Variants in SLK observed in about 807,000 individuals in gnomAD.
SLK encodes STE20-like serine/threonine-protein kinase.
Under a neutral mutation model 147.7 loss-of-function variants are expected in SLK, and 67 were observed. The observed-to-expected ratio is 0.45, with a 90% CI of 0.37 to 0.56. SLK has a LOEUF of 0.56. Among genes scored for constraint, SLK ranks in the 20% least tolerant of loss-of-function variants. The pLI is 0.00. For synonymous variants in SLK, 441 were observed against 475.0 expected (o/e 0.93, Z 0.93); for missense variants, 1,136 against 1,438.8 (o/e 0.79, Z 3.41).
At chr10:104,017,508 C>T (rs1844478838) in intron 13 of SLK, among the ~76,000 whole-genome samples, 1 of 152,078 alleles carries the variant, frequency 6.6e-6, no homozygotes, top group African/African-American at 2.4e-5. Context: ...GAGATGGAGT[C>T]TCACTCTGTC....
chr10:103,993,925 T>C (rs963829683), intron 4 of SLK, among the ~76,000 whole-genome samples: 5 of 152,150 alleles, frequency 3.3e-5, no homozygotes, highest in East Asian at 1.9e-4. Context: ...AACGGAGTCT[T>C]GCTCTGTTGC....
At chr10:104,020,765 A>G in intron 17 of SLK, 152 bp downstream of exon 17, 1 of 732,474 alleles carries the variant, frequency 1.4e-6, no homozygotes, top group Non-Finnish European at 2.2e-6. Context: ...CCAAATGAAG[A>G]TCAGTTTGGT....
intron 4 of SLK, among the ~76,000 whole-genome samples, chr10:103,996,481 C>T (rs1844175807): frequency 6.7e-6 from 1 of 150,162 alleles, no homozygotes; most frequent in East Asian, 2.0e-4. Flanking sequence ...TCACTGCAAG[C>T]TCTGCCTCCC....
At chr10:103,995,059 A>G (rs1844149136) in intron 4 of SLK, among the ~76,000 whole-genome samples, 1 of 152,192 alleles carries the variant, frequency 6.6e-6, no homozygotes, top group Non-Finnish European at 1.5e-5. Context: ...TATTTTCGAT[A>G]ATGATTTTGA....
intron 1 of SLK, among the ~76,000 whole-genome samples, chr10:103,974,978 GC>G (rs1188234278): frequency 6.6e-6 from 1 of 150,794 alleles, no homozygotes; most frequent in South Asian, 2.1e-4. Flanking sequence ...CCGTCTTTTG[GC>G]TTTTAAGTCA....
chr10:104,002,780 C>T lies in SLK; in HGVS notation c.1602C>T (p.Asp534=), dbSNP rs185852639. 311 of 1,613,832 alleles carry T rather than the reference C, an allele frequency of 1.9e-4. 1 individual carries two copies. In the East Asian group the frequency reaches 3.6e-3, roughly 18 times the overall value. The change falls in exon 9 of 19, where the codon GAC becomes GAT. Residue 534 remains aspartate (D), a synonymous_variant. Transcript: ENST00000369755. ...KEDTQEKLGE[D]DKTQKDVISN... ...ACACCCAAGAGAAATTGGGGGAAGA[C>T]GACAAAACTCAAAAAGATGTGATCA...
chr10:104,022,058 G>A lies in SLK; in HGVS notation c.3561+325G>A, dbSNP rs1307193911. ...CCTTGCAAGCCAAGTGAGTCTTGAA[G>A]GGTGAGTAAGAACTTGCTAAGCGGA... is the stretch of plus-strand genomic sequence containing the variant. On this transcript the variant is annotated intron_variant, in intron 18 of 18. Coordinates refer to ENST00000369755, the MANE Select transcript of SLK (RefSeq NM_014720.4). Among the ~76,000 whole-genome samples, 4 of 152,194 alleles carry A rather than the reference G, an allele frequency of 2.6e-5. No individual in the cohort carries two copies. In the East Asian group the frequency reaches 7.7e-4, roughly 29 times the overall value.
At chr10:104,019,508 G>A (rs1186688081) in intron 15 of SLK, among the ~76,000 whole-genome samples, 3 of 152,168 alleles carry the variant, frequency 2.0e-5, no homozygotes, top group African/African-American at 7.2e-5. Context: ...CTAGGCTCAA[G>A]TGATCCTCCT....
chr10:104,003,043 A>G lies in SLK; in HGVS notation c.1865A>G (p.Asn622Ser). 6.2e-7 allele frequency: 1 copy of G among 1,613,960 alleles called. No individual in the cohort carries two copies. The highest frequency in any genetic ancestry group is 8.5e-7 in the Non-Finnish European group (1 of 1,179,902). The change falls in exon 9 of 19, where the codon AAC (asparagine) becomes AGC (serine). Residue 622 changes from asparagine to serine, a missense_variant. Physicochemically the swap from Asn to Ser is conservative, Grantham distance 46. Coordinates refer to ENST00000369755, the MANE Select transcript of SLK (RefSeq NM_014720.4). ...EEGKNKEQAI[N>S]SSENIMDINE... Reference sequence around the variant, plus strand: ...GGTAAAAATAAGGAACAAGCAATAAACAGTTCAGAGAACATAATGGACATC... The same window carrying G: ...GGTAAAAATAAGGAACAAGCAATAAGCAGTTCAGAGAACATAATGGACATC...
rs1400722384 is a variant in SLK, at chr10:104,003,390, C to T, written c.2212C>T (p.Pro738Ser). 1.9e-6 allele frequency: 3 copies of T among 1,613,958 alleles called. No homozygotes were observed. In the South Asian group the frequency reaches 3.3e-5, roughly 18 times the overall value. The change falls in exon 9 of 19, where the codon CCA (proline) becomes TCA (serine). Residue 738 changes from proline (P) to serine (S), a missense_variant. Pro to Ser is a moderately conservative substitution (Grantham distance 74). Transcript: ENST00000369755. ...SLSKTETILP[P>S]ESENPKENDN... ...ATCAAAAACTGAAACTATTCTGCCA[C>T]CAGAATCTGAGAATCCAAAGGAAAA...
At chr10:103,995,312 A>G (rs920716397) in intron 4 of SLK, among the ~76,000 whole-genome samples, 3 of 151,696 alleles carry the variant, frequency 2.0e-5, no homozygotes, top group African/African-American at 4.8e-5. Context: ...TCTTGACAGC[A>G]CTAGTAATCT....
intron 16 of SLK, 100 bp from the exon 17 acceptor site, chr10:104,020,388 A>G: frequency 8.8e-7 from 1 of 1,132,278 alleles, no homozygotes; most frequent in Non-Finnish European, 1.2e-6. Flanking sequence ...TTGTAGCTTC[A>G]GTTTATTGTG....
chr10:104,020,071 T>C, intron 16 of SLK, 149 bp downstream of exon 16: 1 of 659,338 alleles, frequency 1.5e-6, no homozygotes, highest in Non-Finnish European at 2.6e-6. Flanking sequence ...GGACTATAGA[T>C]ACATGGCATA....
chr10:104,023,800 A>G (rs1844564619), intron 18 of SLK, among the ~76,000 whole-genome samples: 1 of 152,010 alleles, frequency 6.6e-6, no homozygotes, highest in Admixed American at 6.6e-5. Flanking sequence ...GAGAATATAA[A>G]CTCCTTAAAA....
chr10:103,991,517 G>A (rs1049916205), intron 2 of SLK, among the ~76,000 whole-genome samples: 72 of 152,014 alleles, frequency 4.7e-4, no homozygotes, highest in Non-Finnish European at 7.4e-4. Flanking sequence ...AGAGTAAGTA[G>A]TATAAGGAAT....
chr10:104,018,034 A>C (rs902075489), intron 13 of SLK, 126 bp from the exon 14 acceptor site: 2 of 681,704 alleles, frequency 2.9e-6, no homozygotes, highest in Non-Finnish European at 2.4e-6. Flanking sequence ...AGTGATTTTA[A>C]AATCCAGCTA....
At chr10:103,989,257 G>A (rs1844057162) in intron 1 of SLK, among the ~76,000 whole-genome samples, 1 of 152,138 alleles carries the variant, frequency 6.6e-6, no homozygotes, top group Admixed American at 6.5e-5. Context: ...TGACAAATAA[G>A]TATATGAAAA....
At chr10:103,976,921 G>A (rs12355416) in intron 1 of SLK, among the ~76,000 whole-genome samples, 29,917 of 152,100 alleles carry the variant, frequency 0.2, 3,195 homozygotes, top group Non-Finnish European at 0.24. Context: ...CACTACAGCC[G>A]TTTTGGACAG....
intron 13 of SLK, 51 bp from the exon 14 acceptor site, chr10:104,018,109 A>T (rs1844486944): frequency 7.0e-7 from 1 of 1,433,588 alleles, no homozygotes; most frequent in Non-Finnish European, 9.5e-7. Flanking sequence ...AGATAAATGG[A>T]TGTTTAGTTC....
Sources: allele counts gnomAD v4.1 joint callset (sites outside exome capture counted in the v4.1 genomes callset), GRCh38; gene constraint gnomAD v4.1.1; transcripts MANE v1.5; gene names NCBI Gene and HGNC (gene_info 2026-07-23, HGNC 2026-07-21).